Variants in TXN observed in about 807,000 individuals in gnomAD.
TXN encodes ADF.
In TXN, 10 loss-of-function variants were observed where a neutral mutation model predicts 16.5. That is an observed-to-expected ratio of 0.61 (90% CI 0.37 to 1.03). TXN has a LOEUF of 1.03. Ranked by LOEUF, TXN falls within the 50% of genes least tolerant of loss-of-function variation. TXN has a pLI of 0.01. For missense variants in TXN, 71 were observed against 122.5 expected, an observed-to-expected ratio of 0.58 and a Z score of 1.98; for synonymous variants, 35 against 39.4, an observed-to-expected ratio of 0.89 and a Z score of 0.42.
Position 110,256,364 on chromosome 9 carries a change from G to A in TXN, c.24+48C>T. Reference sequence around the variant, plus strand: ...CCCGCCACCGCCTTCCCCAGTTACAGAGGCCGCGCGCGGCGCCGGCACCCT... The same window carrying A: ...CCCGCCACCGCCTTCCCCAGTTACAAAGGCCGCGCGCGGCGCCGGCACCCT... On this transcript the variant is annotated intron_variant, in intron 1 of 4. Coordinates refer to ENST00000374517, the MANE Select transcript of TXN (RefSeq NM_003329.4). The surrounding 1 kb of genome is among the most constrained non-coding windows in gnomAD (Gnocchi z 4.2). 3 of 1,584,356 alleles carry A rather than the reference G, an allele frequency of 1.9e-6. No homozygotes were observed. The highest frequency in any genetic ancestry group is 2.6e-6 in the Non-Finnish European group (3 of 1,165,498).
intron 2 of TXN, 59 bp downstream of exon 2, chr9:110,251,299 G>A: frequency 7.8e-7 from 1 of 1,278,350 alleles, no homozygotes; most frequent in Non-Finnish European, 1.1e-6. Context: ...TCCTACCACT[G>A]TGACCACCAA....
At chr9:110,252,255 T>C (rs1490187400) in intron 1 of TXN, among the ~76,000 whole-genome samples, 1 of 114,740 alleles carries the variant, frequency 8.7e-6, no homozygotes, top group African/African-American at 3.5e-5. Flanking sequence ...AGCTATGACT[T>C]TTGATTAAAC....
Position 110,256,481 on chromosome 9 carries a change from T to G in TXN, c.-46A>C. ...GAGCGGCTGTAAGGACCGATGGAAA[T>G]GGATCCAAAGCACCAAACAGAGCTT... On this transcript the variant is annotated 5_prime_UTR_variant, in exon 1 of 5. Coordinates refer to ENST00000374517, the MANE Select transcript of TXN (RefSeq NM_003329.4). This position sits in a 1 kb window ranked among gnomAD's most constrained non-coding sequence, Gnocchi z 4.2. 1 of 1,589,740 alleles carries G rather than the reference T, an allele frequency of 6.3e-7. No individual in the cohort carries two copies.
chr9:110,245,654 A>ATATATATATTTTTTT (rs1232332404), intron 3 of TXN, among the ~76,000 whole-genome samples: 2 of 21,784 alleles, frequency 9.2e-5, no homozygotes, highest in Non-Finnish European at 1.5e-4. Flanking sequence ...ATATATATAT[A>ATATATATATTTTTTT]TTTTTTTTTT....
intron 3 of TXN, among the ~76,000 whole-genome samples, chr9:110,247,278 G>A (rs905221697): frequency 6.7e-6 from 1 of 148,868 alleles, no homozygotes; most frequent in African/African-American, 2.5e-5. Context: ...AGCAGAGATG[G>A]TACCACTGCA....
At chr9:110,249,910 C>CA (rs1837706677) in intron 3 of TXN, among the ~76,000 whole-genome samples, 1 of 152,178 alleles carries the variant, frequency 6.6e-6, no homozygotes, top group Non-Finnish European at 1.5e-5. Flanking sequence ...CCTCTGTTGC[C>CA]ACACTGCACC....
At chr9:110,249,569 G>C (rs535232202) in intron 3 of TXN, among the ~76,000 whole-genome samples, 5 of 152,146 alleles carry the variant, frequency 3.3e-5, no homozygotes, top group Non-Finnish European at 4.4e-5. Flanking sequence ...TGGAGAAGGG[G>C]TGAAGCTCAT....
At chr9:110,245,787 T>C (rs1220031953) in intron 3 of TXN, among the ~76,000 whole-genome samples, 4 of 149,376 alleles carry the variant, frequency 2.7e-5, no homozygotes, top group Non-Finnish European at 5.9e-5. Context: ...GCCACCACAC[T>C]CAGCCTCCTG....
intron 1 of TXN, among the ~76,000 whole-genome samples, chr9:110,255,367 A>T (rs562742700): frequency 3.9e-5 from 6 of 152,380 alleles, no homozygotes; most frequent in Middle Eastern, 3.4e-3. Context: ...ACTGCGCGTT[A>T]GGCTCTGGGT....
At chr9:110,245,624 A>AC (rs1564367354) in intron 3 of TXN, among the ~76,000 whole-genome samples, 142 of 19,252 alleles carry the variant, frequency 7.4e-3, no homozygotes, top group Admixed American at 0.018. Flanking sequence ...CACACTATAT[A>AC]TATATATATA....
intron 3 of TXN, among the ~76,000 whole-genome samples, chr9:110,248,184 G>C (rs1212692082): frequency 1.3e-5 from 2 of 151,636 alleles, no homozygotes; most frequent in Non-Finnish European, 2.9e-5. Context: ...TAAATTTATT[G>C]CTGAAAAAAG....
intron 1 of TXN, among the ~76,000 whole-genome samples, chr9:110,255,565 T>C (rs1285363248): frequency 6.6e-6 from 1 of 152,196 alleles, no homozygotes; most frequent in African/African-American, 2.4e-5. Context: ...GGGTGAATCA[T>C]GGACGGGCAG....
intron 3 of TXN, among the ~76,000 whole-genome samples, chr9:110,250,133 G>A (rs957924442): frequency 1.3e-5 from 2 of 152,218 alleles, no homozygotes; most frequent in African/African-American, 4.8e-5. Context: ...TTAAATCCTA[G>A]TTCAGCCACA....
intron 2 of TXN, 60 bp downstream of exon 2, chr9:110,251,296 ACT>A: frequency 1.6e-6 from 2 of 1,236,146 alleles, no homozygotes; most frequent in Non-Finnish European, 2.4e-6. Context: ...CTTTCCTACC[ACT>A]GTGACCACCA....
intron 3 of TXN, among the ~76,000 whole-genome samples, chr9:110,247,602 C>T (rs186059909): frequency 3.6e-4 from 55 of 152,346 alleles, no homozygotes; most frequent in African/African-American, 1.3e-3. Context: ...AAGTATACCA[C>T]TACAGACTGC....
At chr9:110,252,969 A>G (rs1035635177) in intron 1 of TXN, among the ~76,000 whole-genome samples, 2 of 152,176 alleles carry the variant, frequency 1.3e-5, no homozygotes, top group Non-Finnish European at 2.9e-5. Flanking sequence ...AAACCAAACC[A>G]GAGCAATTAA....
intron 4 of TXN, 24 bp downstream of exon 4, chr9:110,244,754 G>A: frequency 6.2e-7 from 1 of 1,600,526 alleles, no homozygotes; most frequent in Admixed American, 1.7e-5. Context: ...CCCAGTTAGA[G>A]TTTTAAAGGT....
chr9:110,252,035 C>T (rs948579278), intron 1 of TXN, among the ~76,000 whole-genome samples: 1 of 151,834 alleles, frequency 6.6e-6, no homozygotes, highest in Non-Finnish European at 1.5e-5. Context: ...ACCAGCCTGG[C>T]CAATATGGTG....
intron 3 of TXN, among the ~76,000 whole-genome samples, chr9:110,247,784 C>T (rs1174200395): frequency 6.6e-6 from 1 of 152,086 alleles, no homozygotes; most frequent in Non-Finnish European, 1.5e-5. Context: ...GAGTGTACTC[C>T]TACTTATTTT....
Sources: gnomAD v4.1 joint callset for allele counts (sites outside exome capture counted in the v4.1 genomes callset) on GRCh38, gnomAD v4.1.1 for gene constraint, Gnocchi (gnomAD v3.1) non-coding constraint, MANE v1.5 for transcripts, NCBI Gene and HGNC (gene_info 2026-07-23, HGNC 2026-07-21) for gene names.